The following TAF2 variants were observed in gnomAD, a reference collection of about 807,000 sequenced individuals.
The protein encoded by TAF2 is transcription initiation factor TFIID subunit 2.
TAF2 carries 61 observed loss-of-function variants against 138.5 expected under a neutral mutation model. The observed-to-expected ratio is 0.44, with a 90% CI of 0.36 to 0.54. The LOEUF is 0.54. Ranked by LOEUF, TAF2 falls within the 20% of genes least tolerant of loss-of-function variation. TAF2 has a pLI of 0.00. For missense variants in TAF2, 1,090 were observed against 1,427.9 expected, an observed-to-expected ratio of 0.76 and a Z score of 3.81; for synonymous variants, 475 against 469.9, an observed-to-expected ratio of 1.01 and a Z score of -0.14.
intron 18 of TAF2, among the ~76,000 whole-genome samples, chr8:119,771,602 C>A (rs1411696552): frequency 6.6e-6 from 1 of 152,074 alleles, no homozygotes; most frequent in Non-Finnish European, 1.5e-5. Context: ...AAGAAAGAAG[C>A]AAAATGAAAG....
At chr8:119,811,814 A>T (rs1825084307) in intron 3 of TAF2, among the ~76,000 whole-genome samples, 1 of 151,580 alleles carries the variant, frequency 6.6e-6, no homozygotes, top group African/African-American at 2.4e-5. Flanking sequence ...TCAAAAAAAA[A>T]AAAAAAAAAA....
intron 23 of TAF2, among the ~76,000 whole-genome samples, chr8:119,745,779 C>T (rs1016020835): frequency 6.7e-6 from 1 of 149,846 alleles, no homozygotes; most frequent in African/African-American, 2.5e-5. Flanking sequence ...ATAAAAGCTT[C>T]TCTAAAGGCA....
At chr8:119,746,492 C>A (rs1333335862) in intron 23 of TAF2, among the ~76,000 whole-genome samples, 1 of 151,730 alleles carries the variant, frequency 6.6e-6, no homozygotes, top group East Asian at 1.9e-4. Context: ...GTAACAGGAC[C>A]GGGAGCACAT....
chr8:119,806,346 G>T lies in TAF2; in HGVS notation c.355C>A (p.Pro119Thr), dbSNP rs1658264381. The T allele has an allele frequency of 6.2e-7, 1 of 1,613,954 alleles. No individual in the cohort carries two copies. The highest frequency in any genetic ancestry group is 1.6e-4 in the Middle Eastern group (1 of 6,062). Residue 119 changes from proline (P) to threonine (T), a missense_variant, in exon 4 of 26, where the codon CCT (proline) becomes ACT (threonine). Around this residue, in one of 3 missense-constraint regions of TAF2, gnomAD observed 504 missense variants for 680.9 expected, o/e 0.74. Coordinates refer to ENST00000378164, the MANE Select transcript of TAF2 (RefSeq NM_003184.4). ...AYAAAVSAVD[P>T]DAGNGELCIK... ...CAAAGTTCTCCATTTCCTGCATCAG[G>T]GTCCACAGCACTAACTGCAGCTGCA...
At chr8:119,786,369 T>C (rs745668568) in intron 14 of TAF2, among the ~76,000 whole-genome samples, 5 of 152,200 alleles carry the variant, frequency 3.3e-5, no homozygotes, top group Non-Finnish European at 7.4e-5. Context: ...TAATATTTCC[T>C]CTAGGTATTA....
intron 6 of TAF2, among the ~76,000 whole-genome samples, chr8:119,800,622 A>C (rs1397457743): frequency 6.6e-6 from 1 of 152,236 alleles, no homozygotes; most frequent in Non-Finnish European, 1.5e-5. Flanking sequence ...TTCACTGCTA[A>C]TCTTATCAGT....
intron 23 of TAF2, 86 bp from the exon 24 acceptor site, chr8:119,744,479 A>G (rs1054221019): frequency 5.0e-5 from 56 of 1,124,786 alleles, no homozygotes; most frequent in Non-Finnish European, 6.9e-5. Flanking sequence ...AAAGTAGCAG[A>G]GAGGCCATAG....
chr8:119,732,757 T>C (rs938113254), intron 25 of TAF2, among the ~76,000 whole-genome samples: 3 of 152,156 alleles, frequency 2.0e-5, no homozygotes, highest in Non-Finnish European at 4.4e-5. Context: ...TGAGCTGAGA[T>C]CGTGTCACTG....
rs550192193 is a variant in TAF2, at chr8:119,821,208, C to T, written c.139-1702G>A. On this transcript the variant is annotated intron_variant, in intron 2 of 25. Coordinates refer to ENST00000378164, the MANE Select transcript of TAF2 (RefSeq NM_003184.4). ...CTAACCTACAGCTGCCTGAAACATT[C>T]GGACCCATTAACCTCTACAAGTCTT... Among the ~76,000 whole-genome samples the T allele has an allele frequency of 1.2e-4, 18 of 152,262 alleles. No individual in the cohort carries two copies. In the South Asian group the frequency reaches 2.7e-3, roughly 23 times the overall value.
chr8:119,768,038 C>T (rs187460651), intron 18 of TAF2, among the ~76,000 whole-genome samples: 35 of 152,312 alleles, frequency 2.3e-4, no homozygotes, highest in African/African-American at 7.9e-4. Context: ...AATCGGGCCA[C>T]GCATCCCACA....
In TAF2 at chr8:119,772,672, C is replaced by A. The variant is rs188170146; in HGVS notation, c.2364+5347G>T. On this transcript the variant is annotated intron_variant, in intron 18 of 25. Coordinates refer to ENST00000378164, the MANE Select transcript of TAF2 (RefSeq NM_003184.4). ...TAAAATAAGGCCGGGTGTGGTGGCT[C>A]ACGCTTGTAATCCCAGCACTTTGGG... Among the ~76,000 whole-genome samples the A allele has an allele frequency of 3.7e-3, 569 of 152,116 alleles. 6 individuals carry two copies. The highest frequency in any genetic ancestry group is 0.013 in the African/African-American group (549 of 41,504).
At chr8:119,745,794 AATGTGTGTGTGT>A (rs991084838) in intron 23 of TAF2, among the ~76,000 whole-genome samples, 6 of 119,406 alleles carry the variant, frequency 5.0e-5, no homozygotes, top group African/African-American at 2.2e-4. Context: ...AAGGCAAACG[AATGTGTGTGTGT>A]GTGTGTGTGT....
chr8:119,785,035 G>T (rs1346771913), intron 15 of TAF2, among the ~76,000 whole-genome samples, 166 bp downstream of exon 15: 2 of 152,100 alleles, frequency 1.3e-5, no homozygotes, highest in Non-Finnish European at 2.9e-5. Context: ...TCTCTGATTA[G>T]TTATGATTTT....
chr8:119,831,671 A>C lies in TAF2; in HGVS notation c.138+6T>G. On this transcript the variant is annotated splice_donor_region_variant and intron_variant, in intron 2 of 25. Transcript: ENST00000378164. ...TACTATTTATAATTGTTGAGAATAA[A>C]CTTACCACAACAGATTTTCTCTGGA... 1 of 1,601,300 alleles carries C rather than the reference A, an allele frequency of 6.2e-7. No homozygotes were observed. Among genetic ancestry groups the C allele is most frequent in the Non-Finnish European group, 8.5e-7 (1 of 1,170,504 alleles).
intron 25 of TAF2, among the ~76,000 whole-genome samples, chr8:119,738,190 T>C (rs1819361445): frequency 6.6e-6 from 1 of 152,092 alleles, no homozygotes; most frequent in Non-Finnish European, 1.5e-5. Flanking sequence ...TATGTATGTT[T>C]TGCTTATTAT....
intron 4 of TAF2, among the ~76,000 whole-genome samples, chr8:119,805,612 G>C (rs1164610533): frequency 6.6e-6 from 1 of 151,928 alleles, no homozygotes; most frequent in Non-Finnish European, 1.5e-5. Context: ...GGCTGCGGCA[G>C]AAGAATTCCT....
intron 23 of TAF2, chr8:119,745,131 A>G (rs1335554910): frequency 2.4e-6 from 1 of 408,404 alleles, no homozygotes; most frequent in Non-Finnish European, 4.9e-6. Flanking sequence ...TGCAGATTAG[A>G]GCATGCCCAG....
Position 119,832,760 on chromosome 8 carries a change from G to A in TAF2, c.-196C>T. ...CTTCGACTAGCTCCTAGAAGCCGCC[G>A]TCGACAAGCTTCTGTCACAGAGATG... On this transcript the variant is annotated 5_prime_UTR_variant, in exon 1 of 26. It adds an upstream start codon to the 5' untranslated region. Coordinates refer to ENST00000378164, the MANE Select transcript of TAF2 (RefSeq NM_003184.4). 2.0e-6 allele frequency: 1 copy of A among 507,044 alleles called. No homozygotes were observed. Among genetic ancestry groups the A allele is most frequent in the Non-Finnish European group, 3.5e-6 (1 of 285,824 alleles). The allele number at this position is 507,044 out of a possible 1,614,324, so 31.4% of individuals were successfully genotyped here.
intron 20 of TAF2, chr8:119,760,372 T>C (rs1333040918): frequency 4.3e-6 from 2 of 461,798 alleles, no homozygotes; most frequent in African/African-American, 4.0e-5. Context: ...GGATGAAAAC[T>C]GACTTCTTGG....
Sources: allele counts gnomAD v4.1 joint callset (sites outside exome capture counted in the v4.1 genomes callset), GRCh38; gene constraint gnomAD v4.1.1; regional missense constraint gnomAD v4.1.1; transcripts MANE v1.5; gene names NCBI Gene and HGNC (gene_info 2026-07-23, HGNC 2026-07-21).